SLC16A12: variants seen among roughly 807,000 people sequenced by gnomAD.
SLC16A12 encodes monocarboxylate transporter 12.
Under a neutral mutation model 42.4 loss-of-function variants are expected in SLC16A12, and 17 were observed. The observed-to-expected ratio is 0.40, with a 90% CI of 0.27 to 0.60. SLC16A12 has a LOEUF of 0.60. Among genes scored for constraint, SLC16A12 ranks in the 20% least tolerant of loss-of-function variants. The pLI, the probability that SLC16A12 is intolerant of heterozygous loss-of-function variation, is 0.42. For missense variants in SLC16A12, 544 were observed against 623.0 expected (o/e 0.87, Z 1.35); for synonymous variants, 224 against 229.4 (o/e 0.98, Z 0.21).
At chr10:89,478,864 T>C (rs181175049) in intron 2 of SLC16A12, among the ~76,000 whole-genome samples, 1 of 152,348 alleles carries the variant, frequency 6.6e-6, no homozygotes. Flanking sequence ...TTGAGTCATT[T>C]TGACTCTATC....
chr10:89,486,590 TCAAAAA>T (rs1401719319), intron 2 of SLC16A12, among the ~76,000 whole-genome samples: 36 of 32,652 alleles, frequency 1.1e-3, no homozygotes, highest in African/African-American at 3.6e-3. Flanking sequence ...AAACCTTGTC[TCAAAAA>T]AAAAAAAAAA....
intron 2 of SLC16A12, 126 bp from the exon 3 acceptor site, chr10:89,462,750 G>A: frequency 1.0e-6 from 1 of 1,001,610 alleles, no homozygotes; most frequent in Non-Finnish European, 1.4e-6. Context: ...ATGAATACTA[G>A]ACTGGGGCAG....
At chr10:89,512,526 A>G (rs1278304783) in intron 2 of SLC16A12, among the ~76,000 whole-genome samples, 1 of 152,128 alleles carries the variant, frequency 6.6e-6, no homozygotes, top group African/African-American at 2.4e-5. Flanking sequence ...CTTAACCACC[A>G]ATGGTTAATG....
At chr10:89,475,785 T>C (rs1424454450) in intron 2 of SLC16A12, among the ~76,000 whole-genome samples, 1 of 152,204 alleles carries the variant, frequency 6.6e-6, no homozygotes, top group Non-Finnish European at 1.5e-5. Context: ...ACATAAGACT[T>C]AGAATAAACA....
In SLC16A12 at chr10:89,526,582, G is replaced by A. The variant is rs146623501; in HGVS notation, c.-47+7919C>T. Among the ~76,000 whole-genome samples, 582 of 152,338 alleles carry A rather than the reference G, an allele frequency of 3.8e-3. 7 individuals are homozygous for A. Among genetic ancestry groups the A allele is most frequent in the South Asian group, 5.2e-3 (25 of 4,830 alleles). On this transcript the variant is annotated intron_variant, in intron 2 of 7. Transcript: ENST00000371790. Reference sequence around the variant, plus strand: ...CAAATTTGGCAAGGAACAGGAAGCAGAAACTTAGAAACATGTGGCCCAATC... The same window carrying A: ...CAAATTTGGCAAGGAACAGGAAGCAAAAACTTAGAAACATGTGGCCCAATC...
At chr10:89,458,014 T>C (rs1457179030) in intron 3 of SLC16A12, among the ~76,000 whole-genome samples, 1 of 152,168 alleles carries the variant, frequency 6.6e-6, no homozygotes, top group Non-Finnish European at 1.5e-5. Flanking sequence ...GTGGATGTCC[T>C]GGGTTCTGCC....
At chr10:89,462,334 A>C (rs764489212) in intron 3 of SLC16A12, 45 bp downstream of exon 3, 1 of 1,613,168 alleles carries the variant, frequency 6.2e-7, no homozygotes. Context: ...AAAAGAAAAG[A>C]CAGGCCAGGT....
intron 2 of SLC16A12, among the ~76,000 whole-genome samples, chr10:89,531,138 C>G (rs946355636): frequency 1.3e-5 from 2 of 152,076 alleles, no homozygotes; most frequent in Non-Finnish European, 2.9e-5. Flanking sequence ...CAATAGCATC[C>G]TGGCACTTTG....
intron 2 of SLC16A12, among the ~76,000 whole-genome samples, chr10:89,464,642 A>G (rs1842361966): frequency 6.6e-6 from 1 of 152,230 alleles, no homozygotes; most frequent in African/African-American, 2.4e-5. Flanking sequence ...TTGTCTAATA[A>G]AAAACATTTA....
In SLC16A12 at chr10:89,438,801, A is replaced by C. The variant is rs777482453; in HGVS notation, c.831T>G (p.Phe277Leu). The C allele has an allele frequency of 1.9e-5, 30 of 1,614,084 alleles. No homozygotes were observed. Among genetic ancestry groups the C allele is most frequent in the Middle Eastern group, 3.3e-4 (2 of 6,084 alleles). Reference protein sequence around the residue: ...LCCCLQQEYSFLLMSDFVVLA... With the variant: ...LCCCLQQEYSLLLMSDFVVLA... The stretch of plus-strand genomic sequence containing the variant: ...ACACAACAAAGTCTGACATGAGTAA[A>C]AAACTGTACTCTTGCTGCAAACAGC... The change falls in exon 6 of 8, where the codon TTT (phenylalanine) becomes TTG (leucine). Residue 277 changes from phenylalanine to leucine, a missense_variant. Physicochemically the swap from Phe to Leu is conservative, Grantham distance 22 (BLOSUM62 0). Coordinates refer to ENST00000371790, the MANE Select transcript of SLC16A12 (RefSeq NM_213606.4).
chr10:89,482,194 C>G (rs303197), intron 2 of SLC16A12, among the ~76,000 whole-genome samples: 1 of 129,832 alleles, frequency 7.7e-6, no homozygotes, highest in African/African-American at 3.0e-5. Flanking sequence ...TCAAATAGTA[C>G]AAATTCAGTT....
chr10:89,539,365 T>C (rs1291587816), upstream of SLC16A12, among the ~76,000 whole-genome samples: 1 of 151,902 alleles, frequency 6.6e-6, no homozygotes, highest in Non-Finnish European at 1.5e-5. Context: ...GTACTATTTG[T>C]ACTTTTCTGG....
chr10:89,433,411 T>G, intron 7 of SLC16A12, 85 bp from the exon 8 acceptor site: 1 of 1,400,916 alleles, frequency 7.1e-7, no homozygotes, highest in Non-Finnish European at 9.9e-7. Flanking sequence ...TTTGTAAGGA[T>G]AATAATAGAT....
chr10:89,469,141 C>T (rs916641352), intron 2 of SLC16A12, among the ~76,000 whole-genome samples: 13 of 152,236 alleles, frequency 8.5e-5, no homozygotes, highest in African/African-American at 2.6e-4. Context: ...CATCTTGCAA[C>T]TCTTCATTTT....
At chr10:89,489,027 G>C (rs1245033885) in intron 2 of SLC16A12, among the ~76,000 whole-genome samples, 3 of 152,142 alleles carry the variant, frequency 2.0e-5, no homozygotes, top group Non-Finnish European at 2.9e-5. Context: ...TTACTTTTAA[G>C]TAATCATCTC....
chr10:89,442,393 T>A (rs1409296324), intron 4 of SLC16A12, among the ~76,000 whole-genome samples: 2 of 152,214 alleles, frequency 1.3e-5, no homozygotes, highest in Non-Finnish European at 2.9e-5. Flanking sequence ...ACTCAAAGCT[T>A]GACTGTGTGA....
At chr10:89,544,034 T>C (rs1165095423) in intron 2 of SLC16A12, among the ~76,000 whole-genome samples, 1 of 152,222 alleles carries the variant, frequency 6.6e-6, no homozygotes, top group Non-Finnish European at 1.5e-5. Context: ...AATGAGTAAA[T>C]GTTCACCGTA....
At chr10:89,552,012 T>C (rs987340063) in intron 2 of SLC16A12, among the ~76,000 whole-genome samples, 2 of 152,216 alleles carry the variant, frequency 1.3e-5, no homozygotes, top group African/African-American at 2.4e-5. Context: ...CTCAGCTCAC[T>C]GCAACCTCCA....
Position 89,433,261 on chromosome 10 carries a change from A to G in SLC16A12, c.1354T>C (p.Phe452Leu), listed in dbSNP as rs770348499. ...GCAAAGCCAAGCAACACAGAACTAA[A>G]TATCATTGAAAATCCACAGAGGAGG... The part of the protein sequence containing the change: ...AFLLCGFSMI[F>L]SSVLLGFARL... The change falls in exon 8 of 8, where the codon TTT becomes CTT. Residue 452 changes from phenylalanine (F) to leucine (L), a missense_variant. Physicochemically the swap from Phe to Leu is conservative, Grantham distance 22 (BLOSUM62 0). Coordinates refer to ENST00000371790, the MANE Select transcript of SLC16A12 (RefSeq NM_213606.4). The G allele has an allele frequency of 1.2e-6, 2 of 1,614,222 alleles. No homozygotes were observed. Among genetic ancestry groups the G allele is most frequent in the Non-Finnish European group, 1.7e-6 (2 of 1,180,026 alleles).
Sources: allele counts gnomAD v4.1 joint callset (sites outside exome capture counted in the v4.1 genomes callset), GRCh38; gene constraint gnomAD v4.1.1; transcripts MANE v1.5; gene names NCBI Gene and HGNC (gene_info 2026-07-23, HGNC 2026-07-21).